Variants in MPO observed in about 807,000 individuals in gnomAD.
The protein encoded by MPO is myeloperoxidase.
A neutral mutation model predicts 69.4 loss-of-function variants in MPO; 57 were observed. The ratio of observed to expected loss-of-function variants is 0.82; its 90% CI spans 0.66 to 1.02. The LOEUF (loss-of-function observed/expected upper bound fraction) is 1.02. MPO is among the 50% of genes least tolerant of loss of function. MPO has a pLI of 0.00. For missense variants in MPO, 971 were observed against 1,014.1 expected (o/e 0.96, Z 0.58); for synonymous variants, 426 against 417.1 (o/e 1.02, Z -0.26).
chr17:58,279,579 C>T lies in MPO; in HGVS notation c.492G>A (p.Gly164=). Reference sequence around the variant, plus strand: ...ATTTGTCCTGCTCCGGGCAAGTCACCCCCACGTCCTGGTAGGCGCAGCCGC... The same window carrying T: ...ATTTGTCCTGCTCCGGGCAAGTCACTCCCACGTCCTGGTAGGCGCAGCCGC... The part of the protein sequence containing the change: ...KSSGCAYQDV[G]VTCPEQDKYR... Residue 164 remains glycine, a synonymous_variant, in exon 4 of 12, where the codon GGG becomes GGA. Transcript: ENST00000225275. 1 of 1,614,164 alleles carries T rather than the reference C, an allele frequency of 6.2e-7. No homozygotes were observed. Among genetic ancestry groups the T allele is most frequent in the Non-Finnish European group, 8.5e-7 (1 of 1,180,038 alleles).
rs1970460454 is a variant in MPO, at chr17:58,277,993, C to T, written c.1038G>A (p.Glu346=). 6.2e-7 allele frequency: 1 copy of T among 1,613,934 alleles called. No individual in the cohort carries two copies. The highest frequency in any genetic ancestry group is 8.5e-7 in the Non-Finnish European group (1 of 1,180,044). The change falls in exon 7 of 12, where the codon GAG becomes GAA. Residue 346 remains glutamate (E), a synonymous_variant. Transcript: ENST00000225275. ...FVDASMVYGS[E]EPLARNLRNM... is the part of the protein sequence containing the mutation. The stretch of plus-strand genomic sequence containing the variant: ...TGCGCAGGTTCCTGGCCAGGGGCTC[C>T]TCGCTGCCGTACACCATGCTGGCGT...
chr17:58,274,388 G>A (rs1164194792), intron 8 of MPO, among the ~76,000 whole-genome samples: 2 of 151,974 alleles, frequency 1.3e-5, no homozygotes, highest in African/African-American at 4.8e-5. Context: ...GTGTGTGAGT[G>A]TGTGTATGTC....
rs916255101 is a variant in MPO at position 58,280,181 on chromosome 17, G to T, written c.249-167C>A. On this transcript the variant is annotated intron_variant, in intron 2 of 11. Transcript: ENST00000225275. ...ACCTGGGTGTCCAGACAGAGGCAAG[G>T]CTTTGGGAAGGATGGCTTTTAAGCT... is the stretch of plus-strand genomic sequence containing the variant. 49 of 1,044,694 alleles carry T rather than the reference G, an allele frequency of 4.7e-5. 1 individual carries two copies. The Admixed American group carries it at 8.9e-4, about 19-fold the overall frequency. The allele number at this position is 1,044,694 out of a possible 1,614,324, so 64.7% of individuals were successfully genotyped here.
chr17:58,274,094 T>A, intron 8 of MPO: 2 of 447,848 alleles, frequency 4.5e-6, no homozygotes, highest in Admixed American at 2.5e-5. Context: ...GTTGTTGAAA[T>A]TCTTCACAGT....
In MPO at chr17:58,271,846, A is replaced by G. The variant is rs35314437; in HGVS notation, c.1839T>C (p.Thr613=). The part of the protein sequence containing the change: ...RRFCGLPQPE[T]VGQLGTVLRN... ...TCAGCACCGTGCCCAGCTGGCCCACAGTTTCAGGCTGCGGGAGCCCACAGA... is the reference window on the plus strand; with the variant it reads ...TCAGCACCGTGCCCAGCTGGCCCACGGTTTCAGGCTGCGGGAGCCCACAGA... The change falls in exon 11 of 12, where the codon ACT becomes ACC. Residue 613 remains threonine, a synonymous_variant. Coordinates refer to ENST00000225275, the MANE Select transcript of MPO (RefSeq NM_000250.2). The G allele has an allele frequency of 8.9e-4, 1,436 of 1,614,152 alleles. 14 individuals are homozygous for G. The African/African-American group carries it at 0.017, about 19-fold the overall frequency.
chr17:58,280,482 A>C, intron 1 of MPO, 23 bp from the exon 2 acceptor site: 1 of 1,613,858 alleles, frequency 6.2e-7, no homozygotes. Context: ...GGGATCACAA[A>C]GTCAGGAATG....
rs754506002 is a variant in MPO, at chr17:58,280,356, C to T, written c.248+10G>A. 17 of 1,613,312 alleles carry T rather than the reference C, an allele frequency of 1.1e-5. No individual in the cohort carries two copies. In the East Asian group the frequency reaches 1.6e-4, roughly 15 times the overall value. Reference sequence around the variant, plus strand: ...CCTTGCCCAGAGCTGGGCAGTGCCTCGTGCCCCACCTTTCCCGCCGCTCCT... The same window carrying T: ...CCTTGCCCAGAGCTGGGCAGTGCCTTGTGCCCCACCTTTCCCGCCGCTCCT... On this transcript the variant is annotated intron_variant, in intron 2 of 11. Coordinates refer to ENST00000225275, the MANE Select transcript of MPO (RefSeq NM_000250.2).
Position 58,273,678 on chromosome 17 carries a change from A to G in MPO, c.1366-9T>C. On this transcript the variant is annotated splice_polypyrimidine_tract_variant and intron_variant, in intron 8 of 11. Transcript: ENST00000225275. ...TCCCGGTAAGTGATGATCTAAAGAC[A>G]AGTCATTTGGAATGGCCTCTCCACC... 2 of 1,614,090 alleles carry G rather than the reference A, an allele frequency of 1.2e-6. No homozygotes were observed.
rs1970431779 is a variant in MPO at position 58,275,945 on chromosome 17, G to T, written c.1205-243C>A. Among the ~76,000 whole-genome samples the T allele has an allele frequency of 6.6e-6, 1 of 152,174 alleles. No homozygotes were observed. The highest frequency in any genetic ancestry group is 1.5e-5 in the Non-Finnish European group (1 of 68,034). Reference sequence around the variant, plus strand: ...CTGGTTGGGGATGCTCATTCAATAGGTATCACTTCCAACACATGACATGCC... The same window carrying T: ...CTGGTTGGGGATGCTCATTCAATAGTTATCACTTCCAACACATGACATGCC... On this transcript the variant is annotated intron_variant, in intron 7 of 11. Coordinates refer to ENST00000225275, the MANE Select transcript of MPO (RefSeq NM_000250.2). The surrounding 1 kb of genome is among the most constrained non-coding windows in gnomAD (Gnocchi z 4.1).
Position 58,278,103 on chromosome 17 carries a change from TGCAGTCG to T in MPO, c.921_927del (p.Asp308SerfsTer124), listed in dbSNP as rs1970462658. 1 of 1,606,652 alleles carries T rather than the reference TGCAGTCG, an allele frequency of 6.2e-7. No individual in the cohort carries two copies. Among genetic ancestry groups the T allele is most frequent in the Admixed American group, 1.7e-5 (1 of 60,018 alleles). ...GCCGGGCAGGAGCGGAAGAACGGGA[TGCAGTCG>T]GCTTGGTTCTTGATGCGGGGGTCAT... On this transcript the variant is annotated frameshift_variant, in exon 7 of 12. Coordinates refer to ENST00000225275, the MANE Select transcript of MPO (RefSeq NM_000250.2). LOFTEE classifies it high-confidence loss of function.
At position 58,272,864 on chromosome 17, in the gene MPO, C is replaced by T. The variant is rs764426896; in HGVS notation, c.1676G>A (p.Arg559His). The T allele has an allele frequency of 2.4e-5, 38 of 1,614,134 alleles. No homozygotes were observed. The highest frequency in any genetic ancestry group is 5.5e-5 in the South Asian group (5 of 91,084). ...CTCATCCACTGCAATTTGGTTCTGA[C>T]GATTCAGCTTGGCAGGGGTGGCCAT... ...GLMATPAKLN[R>H]QNQIAVDEIR... is the part of the protein sequence containing the mutation. Residue 559 changes from arginine (R) to histidine (H), a missense_variant, in exon 10 of 12, where the codon CGT becomes CAT. Coordinates refer to ENST00000225275, the MANE Select transcript of MPO (RefSeq NM_000250.2).
rs1970460686 is a variant in MPO, at chr17:58,278,000, C to T, written c.1031G>A (p.Gly344Asp). 3 of 1,613,908 alleles carry T rather than the reference C, an allele frequency of 1.9e-6. No individual in the cohort carries two copies. Among genetic ancestry groups the T allele is most frequent in the Non-Finnish European group, 2.5e-6 (3 of 1,180,040 alleles). The part of the protein sequence containing the change: ...TSFVDASMVY[G>D]SEEPLARNLR... The stretch of plus-strand genomic sequence containing the variant: ...GTTCCTGGCCAGGGGCTCCTCGCTG[C>T]CGTACACCATGCTGGCGTCCACGAA... The change falls in exon 7 of 12, where the codon GGC (glycine) becomes GAC (aspartate). Residue 344 changes from glycine (G) to aspartate (D), a missense_variant. Physicochemically the swap from Gly to Asp is moderately conservative, Grantham distance 94. Transcript: ENST00000225275.
intron 3 of MPO, 91 bp from the exon 4 acceptor site, chr17:58,279,737 C>T (rs1970489157): frequency 5.0e-6 from 8 of 1,613,272 alleles, no homozygotes; most frequent in South Asian, 1.1e-5. Context: ...ACTCCTGAGA[C>T]TCCCTGGAGG....
rs1490072676 is a variant in MPO, at chr17:58,275,719, C to A, written c.1205-17G>T. ...GGGTGTCCCCTTGGGGAGGCAAAAGCCACTGTCATTCTTAAGGCCTCCATC... is the reference window on the plus strand; with the variant it reads ...GGGTGTCCCCTTGGGGAGGCAAAAGACACTGTCATTCTTAAGGCCTCCATC... On this transcript the variant is annotated splice_polypyrimidine_tract_variant and intron_variant, in intron 7 of 11. Transcript: ENST00000225275. The surrounding 1 kb of genome is among the most constrained non-coding windows in gnomAD (Gnocchi z 4.1). 6.2e-7 allele frequency: 1 copy of A among 1,614,068 alleles called. No homozygotes were observed. The highest frequency in any genetic ancestry group is 8.5e-7 in the Non-Finnish European group (1 of 1,180,010).
Position 58,277,817 on chromosome 17 carries a change from C to T in MPO, c.1204+10G>A. The T allele has an allele frequency of 6.2e-7, 1 of 1,600,860 alleles. No individual in the cohort carries two copies. Among genetic ancestry groups the T allele is most frequent in the Non-Finnish European group, 8.5e-7 (1 of 1,179,962 alleles). ...CCTATGCCACCTCTGGTCCCCACCC[C>T]AAAGCTGACCTGCCAGGAAGCAGGG... On this transcript the variant is annotated intron_variant, in intron 7 of 11. Transcript: ENST00000225275.
At position 58,277,849 on chromosome 17, in the gene MPO, C is replaced by T. The variant is rs1336983792; in HGVS notation, c.1182G>A (p.Ala394=). 9 of 1,605,394 alleles carry T rather than the reference C, an allele frequency of 5.6e-6. No individual in the cohort carries two copies. Among genetic ancestry groups the T allele is most frequent in the Non-Finnish European group, 7.6e-6 (9 of 1,180,004 alleles). Residue 394 remains alanine, a synonymous_variant, in exon 7 of 12, where the codon GCG becomes GCA. Coordinates refer to ENST00000225275, the MANE Select transcript of MPO (RefSeq NM_000250.2). The stretch of plus-strand genomic sequence containing the variant: ...GACCTGCCAGGAAGCAGGGGATGCG[C>T]GCTGAGCGGTTGGTGAGGAGACAGG... ...DDPCLLTNRS[A]RIPCFLAGDT...
chr17:58,275,899 TGCCTCA>T lies in MPO; in HGVS notation c.1205-203_1205-198del, dbSNP rs1207871894. Among the ~76,000 whole-genome samples, 1 of 152,244 alleles carries T rather than the reference TGCCTCA, an allele frequency of 6.6e-6. No individual in the cohort carries two copies. Among genetic ancestry groups the T allele is most frequent in the Non-Finnish European group, 1.5e-5 (1 of 68,040 alleles). ...TGCCCCAGTCCACAATGATAGCTTC[TGCCTCA>T]GCTCAGGGCCGCTGCTGGTTGGGGA... On this transcript the variant is annotated intron_variant, in intron 7 of 11. Coordinates refer to ENST00000225275, the MANE Select transcript of MPO (RefSeq NM_000250.2). This position sits in a 1 kb window ranked among gnomAD's most constrained non-coding sequence, Gnocchi z 4.1.
In MPO at chr17:58,280,609, A is replaced by C; in HGVS notation, c.150T>G (p.Ala50=). 6.8e-6 allele frequency: 11 copies of C among 1,614,208 alleles called. No individual in the cohort carries two copies. The highest frequency in any genetic ancestry group is 9.3e-6 in the Non-Finnish European group (11 of 1,180,030). ...LATPQPSEGA[A]PAVLGEVDTS... ...TCCCACCTTGGGAACTGTTACCTGG[A>C]GCAGCACCTTCAGAGGGCTGGGGCG... The change falls in exon 1 of 12, where the codon GCT becomes GCG. Residue 50 remains alanine, a synonymous_variant. Transcript: ENST00000225275.
intron 10 of MPO, among the ~76,000 whole-genome samples, chr17:58,272,433 C>A (rs1460447019): frequency 6.6e-6 from 1 of 152,168 alleles, no homozygotes; most frequent in Non-Finnish European, 1.5e-5. Flanking sequence ...TAATCTCTTC[C>A]CCCAGAGTTA....
Sources: allele counts gnomAD v4.1 joint callset (sites outside exome capture counted in the v4.1 genomes callset), GRCh38; gene constraint gnomAD v4.1.1; non-coding constraint Gnocchi (gnomAD v3.1); transcripts MANE v1.5; gene names NCBI Gene and HGNC (gene_info 2026-07-23, HGNC 2026-07-21).